The following FHIT variants were observed in gnomAD, a reference collection of about 807,000 sequenced individuals.
FHIT encodes fragile histidine triad diadenosine triphosphatase.
In FHIT, 19 loss-of-function variants were observed where a neutral mutation model predicts 17.9. The observed-to-expected ratio is 1.06, with a 90% CI of 0.74 to 1.56. The LOEUF is 1.56. Ranked by LOEUF, FHIT falls within the 40% of genes most tolerant of loss-of-function variation. The pLI, the probability that FHIT is intolerant of heterozygous loss-of-function variation, is 0.00. For synonymous variants in FHIT, 81 were observed against 69.7 expected (o/e 1.16, Z -0.81); for missense variants, 248 against 189.2 (o/e 1.31, Z -1.82).
chr3:60,374,436 G>A (rs930345188), intron 5 of FHIT, among the ~76,000 whole-genome samples: 1 of 151,438 alleles, frequency 6.6e-6, no homozygotes, highest in African/African-American at 2.4e-5. Flanking sequence ...CATTAAACAG[G>A]ACTAAAAGCT....
chr3:60,928,614 A>G (rs1256589814), intron 3 of FHIT, among the ~76,000 whole-genome samples: 2 of 151,880 alleles, frequency 1.3e-5, no homozygotes, highest in African/African-American at 4.8e-5. Flanking sequence ...AAGAAAATCT[A>G]GAAGAAATGG....
chr3:60,801,585 T>C (rs1701187942), intron 4 of FHIT, among the ~76,000 whole-genome samples: 1 of 152,264 alleles, frequency 6.6e-6, no homozygotes, highest in Non-Finnish European at 1.5e-5. Context: ...ATCTGCCTGA[T>C]ACACATTTTC....
chr3:60,597,864 C>T (rs1553667214), intron 4 of FHIT, among the ~76,000 whole-genome samples: 1 of 152,066 alleles, frequency 6.6e-6, no homozygotes, highest in African/African-American at 2.4e-5. Flanking sequence ...GATATTGAGC[C>T]AGGACTCTCT....
At chr3:60,382,931 C>G (rs9837246) in intron 5 of FHIT, among the ~76,000 whole-genome samples, 41,058 of 152,042 alleles carry the variant, frequency 0.27, 5,705 homozygotes, top group East Asian at 0.47. Flanking sequence ...TTACCTTCCA[C>G]AGACCTCTTG....
In FHIT at chr3:60,157,345, G is replaced by T. The variant is rs991391224; in HGVS notation, c.104-143193C>A. ...ATCTACCGCAACGTGGAAAAGTCCAGTTGTTCTACCAGTAGGTGCTTCACC... is the reference window on the plus strand; with the variant it reads ...ATCTACCGCAACGTGGAAAAGTCCATTTGTTCTACCAGTAGGTGCTTCACC... On this transcript the variant is annotated intron_variant, in intron 5 of 9. Transcript: ENST00000492590. 3.3e-5 allele frequency among the ~76,000 whole-genome samples: 5 copies of T among 152,178 alleles called. No homozygotes were observed. The East Asian group carries it at 9.6e-4, about 29-fold the overall frequency.
chr3:60,494,996 G>A (rs1576757965), intron 5 of FHIT, among the ~76,000 whole-genome samples: 1 of 152,138 alleles, frequency 6.6e-6, no homozygotes, highest in South Asian at 2.1e-4. Context: ...CCAACAGTGG[G>A]ATGTCTGGAC....
chr3:60,957,233 CTTTTT>C (rs35221092), intron 3 of FHIT, among the ~76,000 whole-genome samples: 3 of 97,140 alleles, frequency 3.1e-5, no homozygotes, highest in Admixed American at 1.2e-4. Flanking sequence ...TTCTTTCTTT[CTTTTT>C]TTTTTTTTTT....
intron 5 of FHIT, among the ~76,000 whole-genome samples, chr3:60,059,066 C>G (rs573890083): frequency 6.6e-6 from 1 of 152,214 alleles, no homozygotes; most frequent in East Asian, 1.9e-4. Context: ...CAGGAGAGGG[C>G]CCTCCCAACA....
chr3:60,107,295 T>C (rs949436218), intron 5 of FHIT, among the ~76,000 whole-genome samples: 3 of 151,992 alleles, frequency 2.0e-5, no homozygotes, highest in Non-Finnish European at 4.4e-5. Context: ...TAAAAATACA[T>C]TCTGATGAGC....
At chr3:59,962,789 A>C (rs1256689372) in intron 7 of FHIT, among the ~76,000 whole-genome samples, 1 of 152,226 alleles carries the variant, frequency 6.6e-6, no homozygotes, top group Non-Finnish European at 1.5e-5. Context: ...TTGCTAGCTC[A>C]AGAACACAAA....
intron 4 of FHIT, among the ~76,000 whole-genome samples, chr3:60,651,666 G>A (rs1281725998): frequency 1.3e-5 from 2 of 151,952 alleles, no homozygotes; most frequent in South Asian, 2.1e-4. Flanking sequence ...AAAATGAACG[G>A]AACACACTTT....
At chr3:61,033,352 G>T (rs2033098911) in intron 3 of FHIT, among the ~76,000 whole-genome samples, 1 of 152,120 alleles carries the variant, frequency 6.6e-6, no homozygotes, top group Admixed American at 6.5e-5. Context: ...CATAAAATGT[G>T]CCTTATCCAA....
chr3:59,761,080 T>C (rs1231566036), intron 8 of FHIT, among the ~76,000 whole-genome samples: 2 of 152,164 alleles, frequency 1.3e-5, no homozygotes, highest in Non-Finnish European at 2.9e-5. Context: ...GGACACCCCA[T>C]TGCTATGATT....
At chr3:60,895,475 T>A (rs1274506592) in intron 3 of FHIT, among the ~76,000 whole-genome samples, 2 of 152,186 alleles carry the variant, frequency 1.3e-5, no homozygotes, top group African/African-American at 4.8e-5. Context: ...ACCCTGCTAA[T>A]CAACAAGCTT....
At chr3:60,956,625 C>A (rs41347853) in intron 3 of FHIT, among the ~76,000 whole-genome samples, 2 of 151,890 alleles carry the variant, frequency 1.3e-5, no homozygotes, top group African/African-American at 4.8e-5. Context: ...CTGTCTACAC[C>A]GGGTTTAATC....
chr3:60,876,641 T>C (rs1389540594), intron 3 of FHIT, among the ~76,000 whole-genome samples: 2 of 152,228 alleles, frequency 1.3e-5, no homozygotes, highest in Non-Finnish European at 2.9e-5. Context: ...CATTATTCTT[T>C]TATGGCATTC....
intron 4 of FHIT, among the ~76,000 whole-genome samples, chr3:60,736,346 A>G (rs1420340089): frequency 2.0e-5 from 3 of 152,162 alleles, no homozygotes; most frequent in African/African-American, 7.2e-5. Context: ...TAAAAAGTCC[A>G]TAACCACATT....
intron 8 of FHIT, among the ~76,000 whole-genome samples, chr3:59,782,930 G>C (rs567089077): frequency 1.5e-4 from 23 of 152,230 alleles, no homozygotes; most frequent in African/African-American, 5.3e-4. Context: ...CAACACACTT[G>C]CTGTGGTACC....
intron 1 of FHIT, among the ~76,000 whole-genome samples, chr3:61,211,167 C>G (rs925252454): frequency 2.0e-5 from 3 of 151,732 alleles, no homozygotes; most frequent in African/African-American, 7.3e-5. Context: ...ACAGTGGTTG[C>G]AGAGCACCGT....
Sources: allele counts gnomAD v4.1 joint callset (sites outside exome capture counted in the v4.1 genomes callset), GRCh38; gene constraint gnomAD v4.1.1; transcripts MANE v1.5; gene names NCBI Gene and HGNC (gene_info 2026-07-23, HGNC 2026-07-21).